CECR2: variants seen among roughly 807,000 people sequenced by gnomAD.
The protein encoded by CECR2 is CECR2 histone acetyl-lysine reader.
CECR2 carries 30 observed loss-of-function variants against 154.5 expected under a neutral mutation model. The observed-to-expected ratio is 0.19, with a 90% CI of 0.15 to 0.26. The LOEUF is 0.26. Ranked by LOEUF, CECR2 falls within the 10% of genes least tolerant of loss-of-function variation. CECR2 has a pLI of 1.00. For missense variants in CECR2, 1,743 were observed against 1,829.3 expected (o/e 0.95, Z 0.86); for synonymous variants, 725 against 683.7 (o/e 1.06, Z -0.94).
At position 17,535,585 on chromosome 22, in the gene CECR2, CATT is replaced by C. The variant is rs557309626; in HGVS notation, c.1109-1516_1109-1514del. Reference sequence around the variant, plus strand: ...ATCATACCATGAAATACTATATTAACATTAATAAGACAAAATGTTTAAAGTTTG... The same window carrying C: ...ATCATACCATGAAATACTATATTAACAATAAGACAAAATGTTTAAAGTTTG... On this transcript the variant is annotated intron_variant, in intron 9 of 18. Transcript: ENST00000262608. 9.2e-5 allele frequency among the ~76,000 whole-genome samples: 14 copies of C among 151,458 alleles called. No individual in the cohort carries two copies. The East Asian group carries it at 2.7e-3, about 29-fold the overall frequency.
chr22:17,553,176 A>G lies in CECR2; in HGVS notation c.*336A>G, dbSNP rs1235836597. On this transcript the variant is annotated 3_prime_UTR_variant, in exon 19 of 19. Coordinates refer to ENST00000262608, the MANE Select transcript of CECR2 (RefSeq NM_001290047.2). Reference sequence around the variant, plus strand: ...TCACTTTAAACTTGGGGGAGGGGGTATACTCAAGAATGGAGTGGTGCTTTT... The same window carrying G: ...TCACTTTAAACTTGGGGGAGGGGGTGTACTCAAGAATGGAGTGGTGCTTTT... 3.9e-6 allele frequency: 1 copy of G among 253,642 alleles called. No homozygotes were observed. The highest frequency in any genetic ancestry group is 7.3e-6 in the Non-Finnish European group (1 of 136,178). The allele number at this position is 253,642 out of a possible 1,614,324, so 15.7% of individuals were successfully genotyped here.
intron 1 of CECR2, among the ~76,000 whole-genome samples, chr22:17,441,807 A>G (rs2054588855): frequency 6.6e-6 from 1 of 152,232 alleles, no homozygotes; most frequent in East Asian, 1.9e-4. Context: ...GTCCTTTATG[A>G]AACAGAATTT....
chr22:17,542,908 C>G lies in CECR2; in HGVS notation c.2765C>G (p.Pro922Arg), dbSNP rs1436518987. Residue 922 changes from proline to arginine, a missense_variant, in exon 16 of 19, where the codon CCA (proline) becomes CGA (arginine). Physicochemically the swap from Pro to Arg is moderately radical, Grantham distance 103 (BLOSUM62 -2). This residue lies in a region of CECR2 where 1,250 missense variants were observed against 1,192.1 expected (regional missense o/e 1.05). Coordinates refer to ENST00000262608, the MANE Select transcript of CECR2 (RefSeq NM_001290047.2). Reference protein sequence around the residue: ...LPGPFPQVAHPMSVTVSAPKP... With the variant: ...LPGPFPQVAHRMSVTVSAPKP... Reference sequence around the variant, plus strand: ...GGCCCTTTTCCGCAGGTAGCTCACCCAATGTCAGTCACTGTGTCAGCCCCC... The same window carrying G: ...GGCCCTTTTCCGCAGGTAGCTCACCGAATGTCAGTCACTGTGTCAGCCCCC... 1 of 1,613,958 alleles carries G rather than the reference C, an allele frequency of 6.2e-7. No homozygotes were observed. Among genetic ancestry groups the G allele is most frequent in the Admixed American group, 1.7e-5 (1 of 60,008 alleles).
In CECR2 at chr22:17,541,897, A is replaced by T. The variant is rs1299542119; in HGVS notation, c.1943A>T (p.Tyr648Phe). 1 of 1,613,812 alleles carries T rather than the reference A, an allele frequency of 6.2e-7. No individual in the cohort carries two copies. The highest frequency in any genetic ancestry group is 1.3e-5 in the African/African-American group (1 of 74,914). Reference sequence around the variant, plus strand: ...CGAGGATCAGATCCTGCCACCTTGTATGGCTCCTCTGGAGTCCCGGAGCCA... The same window carrying T: ...CGAGGATCAGATCCTGCCACCTTGTTTGGCTCCTCTGGAGTCCCGGAGCCA... The part of the protein sequence containing the change: ...PLRGSDPATL[Y>F]GSSGVPEPHP... The change falls in exon 15 of 19, where the codon TAT becomes TTT. Residue 648 changes from tyrosine (Y) to phenylalanine (F), a missense_variant. Tyr to Phe is a conservative substitution (Grantham distance 22). This residue lies in a region of CECR2 where 1,250 missense variants were observed against 1,192.1 expected (regional missense o/e 1.05). Transcript: ENST00000262608.
At chr22:17,519,107 G>A (rs2056110477) in intron 8 of CECR2, 1 of 155,980 alleles carries the variant, frequency 6.4e-6, no homozygotes, top group Middle Eastern at 2.4e-3. Context: ...TTCTTCGTGG[G>A]TAGCATTAGG....
intron 1 of CECR2, among the ~76,000 whole-genome samples, chr22:17,386,714 G>A (rs2063266334): frequency 6.6e-6 from 1 of 151,782 alleles, no homozygotes; most frequent in Admixed American, 6.6e-5. Context: ...GCAATGGCGG[G>A]ATCTCAGCTC....
At chr22:17,503,168 A>G in intron 6 of CECR2, 37 bp downstream of exon 6, 1 of 1,564,528 alleles carries the variant, frequency 6.4e-7, no homozygotes, top group Non-Finnish European at 8.8e-7. Flanking sequence ...AGAATTAAAT[A>G]AATATGATTC....
upstream of CECR2, among the ~76,000 whole-genome samples, chr22:17,367,352 A>G (rs1183240284): frequency 6.6e-6 from 1 of 152,084 alleles, no homozygotes; most frequent in Admixed American, 6.6e-5. Context: ...ATGACAAAAG[A>G]TAAAGGCAGG....
chr22:17,449,735 C>A (rs577287854), intron 1 of CECR2, among the ~76,000 whole-genome samples: 1 of 151,776 alleles, frequency 6.6e-6, no homozygotes, highest in Non-Finnish European at 1.5e-5. Context: ...GTGATCTGCC[C>A]GCCTCGGCCT....
chr22:17,471,579 G>A (rs1387597517), intron 1 of CECR2, among the ~76,000 whole-genome samples: 3 of 152,120 alleles, frequency 2.0e-5, no homozygotes, highest in African/African-American at 7.2e-5. Flanking sequence ...CTGTCGCCCA[G>A]GTTAGAATGC....
intron 14 of CECR2, among the ~76,000 whole-genome samples, 167 bp from the exon 15 acceptor site, chr22:17,541,672 G>T (rs1005991805): frequency 2.2e-4 from 33 of 152,194 alleles, no homozygotes; most frequent in African/African-American, 7.7e-4. Flanking sequence ...TCATAGGCAA[G>T]CCCTGATGCG....
intron 8 of CECR2, among the ~76,000 whole-genome samples, chr22:17,522,792 G>A (rs1289891350): frequency 6.6e-6 from 1 of 152,090 alleles, no homozygotes; most frequent in Non-Finnish European, 1.5e-5. Context: ...ATCACCTGAG[G>A]TCAGGAGTTC....
intron 9 of CECR2, among the ~76,000 whole-genome samples, chr22:17,535,700 T>C (rs1193250056): frequency 1.3e-5 from 2 of 149,296 alleles, no homozygotes; most frequent in Non-Finnish European, 3.0e-5. Context: ...AAAAAAAAAA[T>C]AGTTGGTTTA....
intron 8 of CECR2, 114 bp from the exon 9 acceptor site, chr22:17,524,004 T>A: frequency 1.2e-6 from 1 of 803,700 alleles, no homozygotes; most frequent in South Asian, 1.8e-5. Flanking sequence ...TTTCGTGATA[T>A]AAAGTCCCTA....
intron 6 of CECR2, among the ~76,000 whole-genome samples, chr22:17,504,616 T>C (rs1350042105): frequency 2.0e-5 from 3 of 148,470 alleles, no homozygotes; most frequent in Admixed American, 2.0e-4. Context: ...TTTTTTTTTC[T>C]ATTTTTAGTA....
chr22:17,516,325 T>C (rs369203015), intron 8 of CECR2, among the ~76,000 whole-genome samples: 3 of 152,112 alleles, frequency 2.0e-5, no homozygotes, highest in East Asian at 3.8e-4. Context: ...CATATATACA[T>C]GTATGTACAT....
intron 16 of CECR2, among the ~76,000 whole-genome samples, chr22:17,547,237 C>CTTT (rs111281450): frequency 6.8e-6 from 1 of 146,554 alleles, no homozygotes; most frequent in Non-Finnish European, 1.5e-5. Flanking sequence ...AAAAATGCCT[C>CTTT]TTTTTTTTTT....
intron 1 of CECR2, among the ~76,000 whole-genome samples, chr22:17,447,355 G>T (rs557081673): frequency 1.3e-5 from 2 of 151,920 alleles, no homozygotes; most frequent in East Asian, 1.9e-4. Context: ...GGGTTTCATC[G>T]TGTTATCCAG....
rs747286026 is a variant in CECR2, at chr22:17,542,546, G to A, written c.2403G>A (p.Gln801=). ...ACCTGGGGCCAGGACCCTCTCACCAGCCTCGCACTCTCGGTCACGTGATGG... is the reference window on the plus strand; with the variant it reads ...ACCTGGGGCCAGGACCCTCTCACCAACCTCGCACTCTCGGTCACGTGATGG... ...KPHLGPGPSH[Q]PRTLGHVMDS... The change falls in exon 16 of 19, where the codon CAG becomes CAA. Residue 801 remains glutamine, a synonymous_variant. Coordinates refer to ENST00000262608, the MANE Select transcript of CECR2 (RefSeq NM_001290047.2). 14 of 1,613,990 alleles carry A rather than the reference G, an allele frequency of 8.7e-6. No individual in the cohort carries two copies. The South Asian group carries it at 1.4e-4, about 16-fold the overall frequency.
Sources: allele counts gnomAD v4.1 joint callset (sites outside exome capture counted in the v4.1 genomes callset), GRCh38; gene constraint gnomAD v4.1.1; regional missense constraint gnomAD v4.1.1; transcripts MANE v1.5; gene names NCBI Gene and HGNC (gene_info 2026-07-23, HGNC 2026-07-21).